FTO: variants seen among roughly 807,000 people sequenced by gnomAD.
FTO encodes alpha-ketoglutarate-dependent dioxygenase FTO.
In FTO, 47 loss-of-function variants were observed where a neutral mutation model predicts 63.9. The observed-to-expected ratio is 0.74, with a 90% confidence interval of 0.58 to 0.94. The LOEUF (loss-of-function observed/expected upper bound fraction) is 0.94. FTO is among the 40% of genes least tolerant of loss of function. FTO has a pLI of 0.00. For missense variants in FTO, 562 were observed against 618.1 expected, an observed-to-expected ratio of 0.91 and a Z score of 0.96; for synonymous variants, 207 against 224.4, an observed-to-expected ratio of 0.92 and a Z score of 0.69.
intron 8 of FTO, among the ~76,000 whole-genome samples, chr16:54,061,322 A>G (rs1205878763): frequency 6.6e-6 from 1 of 152,176 alleles, no homozygotes; most frequent in Non-Finnish European, 1.5e-5. Flanking sequence ...TAATTCTGCT[A>G]ACTTTCAGAC....
chr16:53,930,004 G>A (rs1384106535), intron 7 of FTO, among the ~76,000 whole-genome samples: 1 of 152,106 alleles, frequency 6.6e-6, no homozygotes, highest in East Asian at 1.9e-4. Context: ...ACCACACTGT[G>A]AGGCAGTGAT....
intron 8 of FTO, chr16:53,992,052 A>C (rs2083823712): frequency 6.6e-6 from 1 of 152,128 alleles, no homozygotes; most frequent in Admixed American, 6.6e-5. Context: ...AGAAGTTTCA[A>C]AGCAACCTGG....
At chr16:53,885,275 G>A (rs1241541970) in intron 6 of FTO, among the ~76,000 whole-genome samples, 2 of 152,154 alleles carry the variant, frequency 1.3e-5, no homozygotes, top group Admixed American at 6.5e-5. Flanking sequence ...TAAGGAGAGA[G>A]TCAGCTACTT....
chr16:53,794,663 A>G lies in FTO; in HGVS notation c.46-15477A>G, dbSNP rs543299194. ...TGAGGGGCAGGAGGAGATAGATTCA[A>G]TTTCAAGAATAGCAACTGAATCAGG... On this transcript the variant is annotated intron_variant, in intron 1 of 8. Transcript: ENST00000471389. Among the ~76,000 whole-genome samples, 9 of 152,340 alleles carry G rather than the reference A, an allele frequency of 5.9e-5. No individual in the cohort carries two copies. In the East Asian group the frequency reaches 7.7e-4, roughly 13 times the overall value.
At chr16:54,053,488 C>T (rs2085359414) in intron 8 of FTO, among the ~76,000 whole-genome samples, 1 of 152,162 alleles carries the variant, frequency 6.6e-6, no homozygotes, top group African/African-American at 2.4e-5. Flanking sequence ...TCTAAACCAC[C>T]TTTGGTGGCA....
intron 7 of FTO, among the ~76,000 whole-genome samples, chr16:53,899,824 C>A (rs2151923919): frequency 6.6e-6 from 1 of 152,300 alleles, no homozygotes; most frequent in South Asian, 2.1e-4. Context: ...TGCTTTCACA[C>A]AGGAAGTCTT....
intron 8 of FTO, among the ~76,000 whole-genome samples, chr16:53,967,506 T>C (rs1175226669): frequency 1.3e-5 from 2 of 152,160 alleles, no homozygotes; most frequent in African/African-American, 2.4e-5. Flanking sequence ...TTATGTACAG[T>C]GTGTGCACTT....
At chr16:53,716,814 A>G (rs2075904440) in intron 1 of FTO, among the ~76,000 whole-genome samples, 1 of 151,312 alleles carries the variant, frequency 6.6e-6, no homozygotes, top group African/African-American at 2.4e-5. Flanking sequence ...AGGCAGAAAA[A>G]AGTCTCATAC....
intron 1 of FTO, among the ~76,000 whole-genome samples, chr16:53,731,357 T>G (rs962702236): frequency 6.6e-6 from 1 of 152,170 alleles, no homozygotes; most frequent in East Asian, 1.9e-4. Flanking sequence ...TAGCTTCTGT[T>G]GATGTATTTG....
At chr16:54,092,337 T>C (rs1204778396) in intron 8 of FTO, among the ~76,000 whole-genome samples, 6 of 152,082 alleles carry the variant, frequency 3.9e-5, no homozygotes, top group African/African-American at 1.4e-4. Flanking sequence ...AGGCCCATAG[T>C]GAACTAAGGA....
intron 1 of FTO, among the ~76,000 whole-genome samples, chr16:53,735,221 T>G (rs992859681): frequency 2.6e-5 from 4 of 152,248 alleles, no homozygotes; most frequent in African/African-American, 9.6e-5. Flanking sequence ...CAAATACATT[T>G]AAGACCAGAA....
intron 8 of FTO, among the ~76,000 whole-genome samples, chr16:54,048,126 T>TAAAGA (rs2085221780): frequency 1.8e-5 from 1 of 56,470 alleles, no homozygotes; most frequent in Admixed American, 2.0e-4. Context: ...AAAAAAAAAT[T>TAAAGA]AAAAAAAAAA....
intron 8 of FTO, among the ~76,000 whole-genome samples, chr16:54,104,018 G>A (rs2144605614): frequency 6.6e-6 from 1 of 152,248 alleles, no homozygotes; most frequent in South Asian, 2.1e-4. Flanking sequence ...ATCAGGTACT[G>A]GCAGGGATTT....
intron 2 of FTO, among the ~76,000 whole-genome samples, chr16:53,816,934 T>C (rs2078709294): frequency 6.6e-6 from 1 of 152,210 alleles, no homozygotes; most frequent in South Asian, 2.1e-4. Context: ...TCAATACATA[T>C]GTATTCAGTA....
At chr16:53,987,309 G>A (rs559938433) in intron 8 of FTO, among the ~76,000 whole-genome samples, 3 of 152,132 alleles carry the variant, frequency 2.0e-5, no homozygotes, top group South Asian at 2.1e-4. Context: ...AGCCAGGCGC[G>A]GTGGCTCACG....
chr16:53,974,256 G>C (rs1179643870), intron 8 of FTO, among the ~76,000 whole-genome samples: 3 of 151,850 alleles, frequency 2.0e-5, no homozygotes, highest in Non-Finnish European at 4.4e-5. Flanking sequence ...ATAGTACAGG[G>C]GTCTGATGAA....
chr16:53,893,273 C>G (rs983681667), intron 7 of FTO, among the ~76,000 whole-genome samples: 2 of 152,066 alleles, frequency 1.3e-5, no homozygotes, highest in African/African-American at 2.4e-5. Flanking sequence ...TAATACTATT[C>G]AAATATTTGT....
At chr16:53,772,316 A>C (rs2077358329) in intron 1 of FTO, among the ~76,000 whole-genome samples, 2 of 151,796 alleles carry the variant, frequency 1.3e-5, no homozygotes, top group Admixed American at 6.6e-5. Context: ...CTCTTTTTGT[A>C]GAACTTTCTT....
chr16:54,037,639 CAA>C (rs1172103989), intron 8 of FTO, among the ~76,000 whole-genome samples: 1 of 152,128 alleles, frequency 6.6e-6, no homozygotes, highest in Non-Finnish European at 1.5e-5. Context: ...AGACGTGTTT[CAA>C]TTATAAGAGA....
Sources: gnomAD v4.1 joint callset for allele counts (sites outside exome capture counted in the v4.1 genomes callset) on GRCh38, gnomAD v4.1.1 for gene constraint, MANE v1.5 for transcripts, NCBI Gene and HGNC (gene_info 2026-07-23, HGNC 2026-07-21) for gene names.